The following IL31RA variants were observed in gnomAD, a reference collection of about 807,000 sequenced individuals.
The protein encoded by IL31RA is interleukin-31 receptor subunit alpha.
Under a neutral mutation model 83.7 loss-of-function variants are expected in IL31RA, and 66 were observed. That is an observed-to-expected ratio of 0.79 (90% CI 0.65 to 0.97). The LOEUF is 0.97. Among genes scored for constraint, IL31RA ranks in the 50% least tolerant of loss-of-function variants. IL31RA has a pLI of 0.00. For missense variants in IL31RA, 798 were observed against 919.4 expected (o/e 0.87, Z 1.71); for synonymous variants, 325 against 329.0 (o/e 0.99, Z 0.13).
chr5:55,908,877 T>C, intron 11 of IL31RA: 1 of 1,316,220 alleles, frequency 7.6e-7, no homozygotes, highest in Non-Finnish European at 9.6e-7. Flanking sequence ...AAATAATTTT[T>C]TCTTATGGTA....
chr5:55,864,520 AC>A (rs1372941980), intron 2 of IL31RA, among the ~76,000 whole-genome samples: 1 of 150,676 alleles, frequency 6.6e-6, no homozygotes, highest in Non-Finnish European at 1.5e-5. Flanking sequence ...CACACTACAC[AC>A]ACACTATAAA....
Position 55,883,026 on chromosome 5 carries a change from T to A in IL31RA, c.455-18T>A, listed in dbSNP as rs571459182. The A allele has an allele frequency of 6.2e-7, 1 of 1,612,952 alleles. No individual in the cohort carries two copies. The highest frequency in any genetic ancestry group is 1.1e-5 in the South Asian group (1 of 91,034). On this transcript the variant is annotated intron_variant, in intron 4 of 14. Transcript: ENST00000652347. ...TATCTTTTTGCAGATATGAGAGTTG[T>A]ATGATTTTTATTTTCAGCGAAAACT...
chr5:55,903,137 G>A lies in IL31RA; in HGVS notation c.1070-2969G>A, dbSNP rs1305167470. Among the ~76,000 whole-genome samples, 1 of 152,198 alleles carries A rather than the reference G, an allele frequency of 6.6e-6. No homozygotes were observed. Among genetic ancestry groups the A allele is most frequent in the Non-Finnish European group, 1.5e-5 (1 of 68,030 alleles). ...TTCTGCTCAGCACGCCCTGGGTTTTGTGAGACCCGAGACAGCAGGCAGCGG... is the reference window on the plus strand; with the variant it reads ...TTCTGCTCAGCACGCCCTGGGTTTTATGAGACCCGAGACAGCAGGCAGCGG... On this transcript the variant is annotated intron_variant, in intron 8 of 14. Transcript: ENST00000652347. The surrounding 1 kb of genome is among the most constrained non-coding windows in gnomAD (Gnocchi z 4.7).
chr5:55,912,879 G>A (rs1749579419), intron 12 of IL31RA, among the ~76,000 whole-genome samples: 1 of 151,502 alleles, frequency 6.6e-6, no homozygotes, highest in Non-Finnish European at 1.5e-5. Flanking sequence ...GAGGCAGGAG[G>A]TTGCTTGAGC....
chr5:55,861,458 G>A (rs1745680991), intron 2 of IL31RA, among the ~76,000 whole-genome samples: 1 of 152,196 alleles, frequency 6.6e-6, no homozygotes, highest in South Asian at 2.1e-4. Context: ...GCATATGAGG[G>A]ATCTATTAAT....
At chr5:55,890,839 C>G (rs1458235185) in intron 6 of IL31RA, among the ~76,000 whole-genome samples, 1 of 152,180 alleles carries the variant, frequency 6.6e-6, no homozygotes. Flanking sequence ...TGATGGAGTG[C>G]TTACTAAGTG....
chr5:55,871,471 C>T (rs997941563), intron 3 of IL31RA, among the ~76,000 whole-genome samples: 2 of 152,160 alleles, frequency 1.3e-5, no homozygotes, highest in Admixed American at 1.3e-4. Flanking sequence ...CTAGAACCAC[C>T]CATCTGATTC....
At chr5:55,911,640 C>G (rs1214232533) in intron 12 of IL31RA, among the ~76,000 whole-genome samples, 2 of 151,962 alleles carry the variant, frequency 1.3e-5, no homozygotes, top group Non-Finnish European at 2.9e-5. Flanking sequence ...TATTTAGAGG[C>G]AGGCAGATGG....
intron 4 of IL31RA, among the ~76,000 whole-genome samples, chr5:55,875,915 A>C (rs1007409830): frequency 1.3e-5 from 2 of 152,158 alleles, no homozygotes; most frequent in Non-Finnish European, 2.9e-5. Flanking sequence ...TGTTTCTAGG[A>C]CCTGGTAAAG....
At chr5:55,894,201 A>G (rs1407534811) in intron 6 of IL31RA, among the ~76,000 whole-genome samples, 3 of 151,824 alleles carry the variant, frequency 2.0e-5, no homozygotes, top group Non-Finnish European at 4.4e-5. Flanking sequence ...GAGATTCTGC[A>G]CGTGAGAGAT....
intron 6 of IL31RA, among the ~76,000 whole-genome samples, chr5:55,892,939 A>G (rs1748098301): frequency 1.3e-5 from 2 of 152,336 alleles, no homozygotes; most frequent in South Asian, 4.1e-4. Flanking sequence ...ACTGATTAAA[A>G]TGCACCCCCC....
Position 55,890,639 on chromosome 5 carries a change from G to A in IL31RA, c.772+504G>A, listed in dbSNP as rs569684795. 7.2e-5 allele frequency among the ~76,000 whole-genome samples: 11 copies of A among 152,212 alleles called. No individual in the cohort carries two copies. The South Asian group carries it at 1.7e-3, about 23-fold the overall frequency. On this transcript the variant is annotated intron_variant, in intron 6 of 14. Coordinates refer to ENST00000652347, the MANE Select transcript of IL31RA (RefSeq NM_139017.7). ...CCCACCTTGACCTCCCAAAGTGTTG[G>A]GATTACAGGCGTGAGCCACTGTGCC...
At chr5:55,854,187 G>A (rs1441943266) in intron 1 of IL31RA, among the ~76,000 whole-genome samples, 2 of 152,158 alleles carry the variant, frequency 1.3e-5, no homozygotes, top group Non-Finnish European at 2.9e-5. Flanking sequence ...GCTTTTGCCA[G>A]TCTCACTACT....
upstream of IL31RA, among the ~76,000 whole-genome samples, chr5:55,847,647 C>A (rs1744968693): frequency 6.6e-6 from 1 of 152,136 alleles, no homozygotes; most frequent in Non-Finnish European, 1.5e-5. Context: ...TCCCCATTGG[C>A]AACATTTTAT....
intron 6 of IL31RA, among the ~76,000 whole-genome samples, chr5:55,894,545 G>A (rs946987297): frequency 6.6e-6 from 1 of 152,110 alleles, no homozygotes; most frequent in Non-Finnish European, 1.5e-5. Flanking sequence ...TATCTCATTG[G>A]GAGATCCTGG....
chr5:55,844,349 G>A, the IL31RA span, among the ~76,000 whole-genome samples: 6 of 152,162 alleles, frequency 3.9e-5, no homozygotes, highest in Non-Finnish European at 7.4e-5. Flanking sequence ...GTTCTTCCAA[G>A]AGAAGTAAAT....
rs1420347412 is a variant in IL31RA, at chr5:55,920,293, G to A, written c.*3173G>A. Among the ~76,000 whole-genome samples, 2 of 152,232 alleles carry A rather than the reference G, an allele frequency of 1.3e-5. No individual in the cohort carries two copies. Among genetic ancestry groups the A allele is most frequent in the Non-Finnish European group, 2.9e-5 (2 of 68,038 alleles). ...CAGTCTGATTCTGTCCCCATTTCCA[G>A]CACGCCCCTAGTTACTCCTGCTGCA... On this transcript the variant is annotated 3_prime_UTR_variant, in exon 15 of 15. Transcript: ENST00000652347.
intron 4 of IL31RA, among the ~76,000 whole-genome samples, chr5:55,881,237 G>A (rs1457914648): frequency 6.6e-6 from 1 of 151,664 alleles, no homozygotes; most frequent in African/African-American, 2.4e-5. Flanking sequence ...GGAAGGCGGA[G>A]CTTGCAGTGA....
intron 6 of IL31RA, 69 bp from the exon 7 acceptor site, chr5:55,896,281 C>A: frequency 9.3e-7 from 1 of 1,078,450 alleles, no homozygotes; most frequent in Non-Finnish European, 1.4e-6. Context: ...AACTGCCCAG[C>A]TAACCTTTCC....
Sources: allele counts gnomAD v4.1 joint callset (sites outside exome capture counted in the v4.1 genomes callset), GRCh38; gene constraint gnomAD v4.1.1; non-coding constraint Gnocchi (gnomAD v3.1); transcripts MANE v1.5; gene names NCBI Gene and HGNC (gene_info 2026-07-23, HGNC 2026-07-21).